The following MRRF variants were observed in gnomAD, a reference collection of about 807,000 sequenced individuals.
The protein encoded by MRRF is mitochondrial ribosome recycling factor.
Under a neutral mutation model 25.1 loss-of-function variants are expected in MRRF, and 18 were observed. That is an observed-to-expected ratio of 0.72 (90% CI 0.50 to 1.06). The LOEUF is 1.06. Ranked by LOEUF, MRRF falls within the 50% of genes least tolerant of loss-of-function variation. MRRF has a pLI of 0.00. For missense variants in MRRF, 323 were observed against 319.3 expected, an observed-to-expected ratio of 1.01 and a Z score of -0.09; for synonymous variants, 113 against 112.1, an observed-to-expected ratio of 1.01 and a Z score of -0.05.
intron 1 of MRRF, among the ~76,000 whole-genome samples, chr9:122,270,348 C>T (rs1469703724): frequency 3.9e-5 from 6 of 152,212 alleles, no homozygotes; most frequent in Non-Finnish European, 8.8e-5. Context: ...TTTAGACTCA[C>T]ATTAAAGGGC....
intron 2 of MRRF, among the ~76,000 whole-genome samples, chr9:122,276,133 C>T (rs947933567): frequency 3.3e-5 from 5 of 151,784 alleles, no homozygotes; most frequent in Non-Finnish European, 7.4e-5. Context: ...AGGCTGGTCT[C>T]GAACTTTTGA....
intron 5 of MRRF, among the ~76,000 whole-genome samples, chr9:122,300,929 A>G (rs1013550246): frequency 6.6e-6 from 1 of 152,206 alleles, no homozygotes; most frequent in Non-Finnish European, 1.5e-5. Context: ...TGGCATGAGA[A>G]TTTCTTTACG....
At chr9:122,309,396 CCTT>C (rs961907171) in intron 5 of MRRF, among the ~76,000 whole-genome samples, 2 of 152,102 alleles carry the variant, frequency 1.3e-5, no homozygotes, top group African/African-American at 4.8e-5. Context: ...ATAGTCTTTG[CCTT>C]CTTCTTTCTA....
chr9:122,303,348 GT>G (rs1466592301), intron 5 of MRRF, among the ~76,000 whole-genome samples: 2 of 151,240 alleles, frequency 1.3e-5, no homozygotes, highest in African/African-American at 2.4e-5. Context: ...ACCACAACTT[GT>G]TTTTTTCCCC....
intron 2 of MRRF, among the ~76,000 whole-genome samples, chr9:122,271,657 G>A (rs1564470162): frequency 1.3e-5 from 2 of 152,226 alleles, no homozygotes; most frequent in African/African-American, 4.8e-5. Flanking sequence ...ACTTAGAACA[G>A]CAGTGATTAA....
intron 5 of MRRF, among the ~76,000 whole-genome samples, chr9:122,301,386 G>A (rs2118880385): frequency 6.6e-6 from 1 of 152,326 alleles, no homozygotes; most frequent in East Asian, 1.9e-4. Flanking sequence ...GTTGACAGCT[G>A]CAGGAGCCAA....
chr9:122,328,984 C>T lies in MRRF; in HGVS notation c.*6367C>T, dbSNP rs1836215423. On this transcript the variant is annotated 3_prime_UTR_variant, in exon 7 of 7. Transcript: ENST00000344641. ...CCGAAGATCCCTTTCTCTTACATTC[C>T]TTTCTTCTGGTCTGTGTTTCAGTCC... The T allele has an allele frequency of 6.6e-6, 1 of 152,104 alleles. No individual in the cohort carries two copies. Among genetic ancestry groups the T allele is most frequent in the South Asian group, 2.1e-4 (1 of 4,826 alleles). 9.4% of individuals were successfully genotyped at this position (152,104 alleles called of 1,614,324 possible). A position where few individuals can be genotyped will look rare whatever the true frequency, so the allele number is the denominator to read the frequency against.
In MRRF at chr9:122,313,316, A is replaced by G; in HGVS notation, c.641A>G (p.Asn214Ser). ...AKDSLRKVRTNSMNKLKKSKD... is the reference protein window; with the variant it reads ...AKDSLRKVRTSSMNKLKKSKD... ...GACTCTTTACGGAAGGTTCGCACCAACTCAATGAACAAGCTGAAGAAATCC... is the reference window on the plus strand; with the variant it reads ...GACTCTTTACGGAAGGTTCGCACCAGCTCAATGAACAAGCTGAAGAAATCC... Residue 214 changes from asparagine (N) to serine (S), a missense_variant, in exon 6 of 7, where the codon AAC becomes AGC. Coordinates refer to ENST00000344641, the MANE Select transcript of MRRF (RefSeq NM_138777.5). 1 of 1,614,120 alleles carries G rather than the reference A, an allele frequency of 6.2e-7. No homozygotes were observed. Among genetic ancestry groups the G allele is most frequent in the Non-Finnish European group, 8.5e-7 (1 of 1,179,946 alleles).
chr9:122,280,983 T>TAAAC (rs927414519), intron 3 of MRRF, among the ~76,000 whole-genome samples: 6 of 152,350 alleles, frequency 3.9e-5, no homozygotes, highest in African/African-American at 1.4e-4. Context: ...GAATGTACTA[T>TAAAC]AAACACATCT....
intron 3 of MRRF, among the ~76,000 whole-genome samples, chr9:122,281,865 G>A (rs1833109518): frequency 6.6e-6 from 1 of 152,196 alleles, no homozygotes; most frequent in South Asian, 2.1e-4. Context: ...GAGGCTGAGG[G>A]AGATTCTCGC....
intron 3 of MRRF, 58 bp from the exon 4 acceptor site, chr9:122,285,111 T>C: frequency 9.3e-7 from 1 of 1,072,474 alleles, no homozygotes; most frequent in East Asian, 2.4e-5. Context: ...AGATAGGACT[T>C]AGATTTGGGG....
At chr9:122,315,333 A>C (rs2118980426) in intron 6 of MRRF, among the ~76,000 whole-genome samples, 1 of 152,298 alleles carries the variant, frequency 6.6e-6, no homozygotes, top group South Asian at 2.1e-4. Flanking sequence ...ATTGTGTAAA[A>C]GCACACATAG....
rs1421059727 is a variant in MRRF, at chr9:122,313,292, ACT to A, written c.620_621del (p.Ser207PhefsTer25). ...AAACAGAACACCAACAAGGCCAAAG[ACT>A]CTTTACGGAAGGTTCGCACCAACTC... On this transcript the variant is annotated frameshift_variant, in exon 6 of 7. Transcript: ENST00000344641. LOFTEE classifies it high-confidence loss of function. The A allele has an allele frequency of 6.2e-7, 1 of 1,614,078 alleles. No homozygotes were observed. The highest frequency in any genetic ancestry group is 1.1e-5 in the South Asian group (1 of 91,084).
intron 5 of MRRF, among the ~76,000 whole-genome samples, chr9:122,293,485 C>T (rs765128007): frequency 1.1e-4 from 17 of 152,234 alleles, no homozygotes; most frequent in Non-Finnish European, 2.1e-4. Context: ...AGTCCAGAAA[C>T]TTTCCACACT....
intron 5 of MRRF, among the ~76,000 whole-genome samples, chr9:122,293,292 T>C (rs1833889312): frequency 6.6e-6 from 1 of 152,244 alleles, no homozygotes; most frequent in Admixed American, 6.5e-5. Flanking sequence ...CCTTTACATA[T>C]ATTACCTCAT....
At chr9:122,294,489 C>T (rs181366808) in intron 5 of MRRF, among the ~76,000 whole-genome samples, 3 of 152,256 alleles carry the variant, frequency 2.0e-5, no homozygotes, top group East Asian at 1.9e-4. Flanking sequence ...GGACCAAAAC[C>T]GTCTGCTCCT....
At position 122,271,305 on chromosome 9, in the gene MRRF, C is replaced by T. The variant is rs79182708; in HGVS notation, c.184+230C>T. On this transcript the variant is annotated intron_variant, in intron 2 of 6. Transcript: ENST00000344641. ...GCTGCCTCATTTGTTTTCTTGGTAG[C>T]TCAGAAAATGCCTAATTTCTTTCTT... is the stretch of plus-strand genomic sequence containing the variant. 6.6e-5 allele frequency among the ~76,000 whole-genome samples: 10 copies of T among 152,310 alleles called. No individual in the cohort carries two copies. In the East Asian group the frequency reaches 1.7e-3, roughly 26 times the overall value.
chr9:122,280,709 A>G (rs1159303171), intron 3 of MRRF, 111 bp downstream of exon 3: 3 of 1,000,272 alleles, frequency 3.0e-6, no homozygotes, highest in East Asian at 2.5e-5. Flanking sequence ...GGCCATGGGC[A>G]GTTACTTTGC....
At chr9:122,318,646 C>G (rs543100342) in intron 6 of MRRF, among the ~76,000 whole-genome samples, 1 of 152,292 alleles carries the variant, frequency 6.6e-6, no homozygotes, top group African/African-American at 2.4e-5. Flanking sequence ...CTTTCATTTT[C>G]CTGAATTTGT....
Sources: allele counts gnomAD v4.1 joint callset (sites outside exome capture counted in the v4.1 genomes callset), GRCh38; gene constraint gnomAD v4.1.1; transcripts MANE v1.5; gene names NCBI Gene and HGNC (gene_info 2026-07-23, HGNC 2026-07-21).